The following ADGRF5 variants were observed in gnomAD, a reference collection of about 807,000 sequenced individuals.
ADGRF5 encodes adhesion G protein-coupled receptor F5.
ADGRF5 carries 75 observed loss-of-function variants against 132.3 expected under a neutral mutation model. The ratio of observed to expected loss-of-function variants is 0.57; its 90% CI spans 0.47 to 0.69. ADGRF5 has a LOEUF of 0.69. Ranked by LOEUF, ADGRF5 falls within the 30% of genes least tolerant of loss-of-function variation. The probability of loss-of-function intolerance (pLI) is 0.00; values close to 1 mark genes in which losing one functional copy is unlikely to be tolerated. For missense variants in ADGRF5, 1,516 were observed against 1,630.6 expected, an observed-to-expected ratio of 0.93 and a Z score of 1.21; for synonymous variants, 629 against 597.6, an observed-to-expected ratio of 1.05 and a Z score of -0.77.
At position 46,910,592 on chromosome 6, in the gene ADGRF5, C is replaced by T. The variant is rs188764837; in HGVS notation, c.-24-3806G>A. Among the ~76,000 whole-genome samples, 217 of 152,054 alleles carry T rather than the reference C, an allele frequency of 1.4e-3. 1 individual carries two copies. The highest frequency in any genetic ancestry group is 4.8e-3 in the African/African-American group (201 of 41,448). On this transcript the variant is annotated intron_variant, in intron 1 of 20. Transcript: ENST00000283296. ...TAGAAGGATGATTAATTCACTGAGG[C>T]CACACAGCTGATAGACGGTAGTGGC...
intron 13 of ADGRF5, among the ~76,000 whole-genome samples, chr6:46,865,914 A>T (rs937024274): frequency 3.3e-5 from 5 of 152,098 alleles, no homozygotes; most frequent in African/African-American, 7.2e-5. Context: ...ATTGCCTACT[A>T]TGGTGTCTTG....
At position 46,853,531 on chromosome 6, in the gene ADGRF5, TTTC is replaced by T. The variant is rs1400881361; in HGVS notation, c.*458_*460del. The T allele has an allele frequency of 1.9e-5, 3 of 155,066 alleles. No individual in the cohort carries two copies. The highest frequency in any genetic ancestry group is 4.3e-5 in the Non-Finnish European group (3 of 70,170). 9.6% of individuals were successfully genotyped at this position (155,066 alleles called of 1,614,324 possible). A position where few individuals can be genotyped will look rare whatever the true frequency, so the allele number is the denominator to read the frequency against. On this transcript the variant is annotated 3_prime_UTR_variant, in exon 21 of 21. Transcript: ENST00000283296. Reference sequence around the variant, plus strand: ...TTGTTCCTATTTTCATCTTTCTCTTTTTCTTCTTTTTCCCTTTCTCCCTGTTTC... The same window carrying T: ...TTGTTCCTATTTTCATCTTTCTCTTTTTCTTTTTCCCTTTCTCCCTGTTTC...
At chr6:46,884,758 C>T (rs1328508022) in intron 4 of ADGRF5, among the ~76,000 whole-genome samples, 5 of 152,202 alleles carry the variant, frequency 3.3e-5, no homozygotes, top group Non-Finnish European at 1.5e-5. Flanking sequence ...TGCTCTCTCT[C>T]TTTCTCTTTC....
upstream of ADGRF5, among the ~76,000 whole-genome samples, chr6:46,923,866 C>T (rs977822685): frequency 3.9e-5 from 6 of 152,180 alleles, no homozygotes; most frequent in African/African-American, 9.7e-5. Flanking sequence ...GTCGTAGCTA[C>T]GGCTGGAATT....
intron 17 of ADGRF5, among the ~76,000 whole-genome samples, chr6:46,857,205 A>G (rs1769154977): frequency 6.6e-6 from 1 of 152,214 alleles, no homozygotes; most frequent in African/African-American, 2.4e-5. Flanking sequence ...TATTCTTTAC[A>G]TAGCTGTGAT....
chr6:46,859,173 G>A lies in ADGRF5; in HGVS notation c.2730C>T (p.Ala910=), dbSNP rs611779. ...MAFPTLQAIL[A]QDIQENNFAE... is the part of the protein sequence containing the mutation. Reference sequence around the variant, plus strand: ...CAAAGTTATTTTCCTGGATATCCTGGGCAAGGATGGCTTGGAGAGTTGGGA... The same window carrying A: ...CAAAGTTATTTTCCTGGATATCCTGAGCAAGGATGGCTTGGAGAGTTGGGA... Residue 910 remains alanine, a synonymous_variant, in exon 17 of 21, where the codon GCC becomes GCT. Transcript: ENST00000283296. The A allele has an allele frequency of 0.92, 1,482,394 of 1,613,690 alleles. 685,934 individuals carry two copies. Among genetic ancestry groups the A allele is most frequent in the East Asian group, 0.99 (44,511 of 44,888 alleles).
chr6:46,919,811 A>T (rs1489692692), intron 1 of ADGRF5, among the ~76,000 whole-genome samples: 2 of 152,192 alleles, frequency 1.3e-5, no homozygotes, highest in Non-Finnish European at 2.9e-5. Context: ...AAGAACAAGA[A>T]AATATGAAAT....
intron 8 of ADGRF5, among the ~76,000 whole-genome samples, chr6:46,881,011 G>A (rs898109052): frequency 6.6e-6 from 1 of 152,068 alleles, no homozygotes; most frequent in Admixed American, 6.6e-5. Flanking sequence ...GAAGCAGGAG[G>A]ATCGCTTGAG....
Position 46,882,046 on chromosome 6 carries a change from T to C in ADGRF5, c.671+3A>G. On this transcript the variant is annotated splice_donor_region_variant and intron_variant, in intron 7 of 20. Coordinates refer to ENST00000283296, the MANE Select transcript of ADGRF5 (RefSeq NM_001098518.2). Reference sequence around the variant, plus strand: ...AGAAATGATCAAATTAAAGTATTCTTACTTGAACCCTGTCACAGTCACGCC... The same window carrying C: ...AGAAATGATCAAATTAAAGTATTCTCACTTGAACCCTGTCACAGTCACGCC... 6.3e-7 allele frequency: 1 copy of C among 1,599,132 alleles called. No homozygotes were observed.
In ADGRF5 at chr6:46,884,214, G is replaced by A; in HGVS notation, c.386C>T (p.Pro129Leu). The change falls in exon 5 of 21, where the codon CCT (proline) becomes CTT (leucine). Residue 129 changes from proline to leucine, a missense_variant. Pro to Leu is a moderately conservative substitution (Grantham distance 98, BLOSUM62 -3). Coordinates refer to ENST00000283296, the MANE Select transcript of ADGRF5 (RefSeq NM_001098518.2). ...WCSCETGYGW[P>L]RERCLHNLIC... ...GAGATTGTGAAGACACCTTTCCCGA[G>A]GCCACCCATAACCTGTCTCGCAGGA... The A allele has an allele frequency of 2.5e-6, 4 of 1,614,024 alleles. No homozygotes were observed. Among genetic ancestry groups the A allele is most frequent in the South Asian group, 1.1e-5 (1 of 91,080 alleles).
At chr6:46,868,695 C>G (rs1049725497) in intron 12 of ADGRF5, among the ~76,000 whole-genome samples, 188 bp downstream of exon 12, 2 of 152,162 alleles carry the variant, frequency 1.3e-5, no homozygotes, top group Non-Finnish European at 2.9e-5. Context: ...AGCATATTTA[C>G]TTTATCTGTA....
At chr6:46,901,015 T>C (rs1481132866) in intron 2 of ADGRF5, among the ~76,000 whole-genome samples, 1 of 152,038 alleles carries the variant, frequency 6.6e-6, no homozygotes, top group African/African-American at 2.4e-5. Flanking sequence ...GAGGACAAAA[T>C]GATTAATAAA....
intron 1 of ADGRF5, among the ~76,000 whole-genome samples, chr6:46,908,168 C>T (rs887666477): frequency 2.6e-5 from 4 of 152,142 alleles, no homozygotes; most frequent in Non-Finnish European, 4.4e-5. Flanking sequence ...CAATCAAACA[C>T]ATTTTTTAAA....
In ADGRF5 at chr6:46,862,915, T is replaced by C; in HGVS notation, c.2172A>G (p.Pro724=). ...TAGCCATCTGGAGCAGACTGTTTAT[T>C]GGGGCAGAGATGCAGTCATTTCTCT... The part of the protein sequence containing the change: ...EEKRNDCISA[P]INSLLQMAKA... The change falls in exon 15 of 21, where the codon CCA becomes CCG. Residue 724 remains proline, a synonymous_variant. Coordinates refer to ENST00000283296, the MANE Select transcript of ADGRF5 (RefSeq NM_001098518.2). The C allele has an allele frequency of 6.2e-7, 1 of 1,612,696 alleles. No homozygotes were observed. Among genetic ancestry groups the C allele is most frequent in the Non-Finnish European group, 8.5e-7 (1 of 1,179,362 alleles).
upstream of ADGRF5, among the ~76,000 whole-genome samples, chr6:46,923,700 C>T (rs184809605): frequency 1.1e-4 from 17 of 152,252 alleles, no homozygotes; most frequent in Non-Finnish European, 2.5e-4. Flanking sequence ...CCCTGAGGAG[C>T]AATTCTTCTC....
chr6:46,895,190 C>T (rs899077905), intron 3 of ADGRF5, among the ~76,000 whole-genome samples: 3 of 151,786 alleles, frequency 2.0e-5, no homozygotes, highest in Non-Finnish European at 4.4e-5. Context: ...AAAAAAGAAA[C>T]GCTAACATTA....
chr6:46,870,103 G>A (rs971894340), intron 11 of ADGRF5, among the ~76,000 whole-genome samples: 2 of 151,882 alleles, frequency 1.3e-5, no homozygotes, highest in African/African-American at 4.8e-5. Context: ...TTCATTTTGT[G>A]AGCCCACTGA....
At chr6:46,868,050 T>C (rs1456195439) in intron 12 of ADGRF5, among the ~76,000 whole-genome samples, 3 of 152,156 alleles carry the variant, frequency 2.0e-5, no homozygotes, top group African/African-American at 7.2e-5. Context: ...CAATAACTAG[T>C]TGTTTCTACA....
intron 1 of ADGRF5, among the ~76,000 whole-genome samples, chr6:46,932,623 G>T (rs1442589651): frequency 6.6e-6 from 1 of 152,124 alleles, no homozygotes; most frequent in Non-Finnish European, 1.5e-5. Flanking sequence ...GAAATTCCCA[G>T]TACAAAACAG....
Sources: gnomAD v4.1 joint callset for allele counts (sites outside exome capture counted in the v4.1 genomes callset) on GRCh38, gnomAD v4.1.1 for gene constraint, MANE v1.5 for transcripts, NCBI Gene and HGNC (gene_info 2026-07-23, HGNC 2026-07-21) for gene names.